Variants in SOX6 observed in about 807,000 individuals in gnomAD.
SOX6 encodes SRY-box transcription factor 6.
In SOX6, 11 loss-of-function variants were observed where a neutral mutation model predicts 97.8. The observed-to-expected ratio is 0.11, with a 90% CI of 0.07 to 0.19. The LOEUF is 0.19. SOX6 is among the 10% of genes least tolerant of loss of function. The pLI is 1.00. For missense variants in SOX6, 810 were observed against 1,039.5 expected, an observed-to-expected ratio of 0.78 and a Z score of 3.04; for synonymous variants, 360 against 371.4, an observed-to-expected ratio of 0.97 and a Z score of 0.35.
intron 1 of SOX6, among the ~76,000 whole-genome samples, chr11:16,438,339 A>G (rs1859427855): frequency 6.6e-6 from 1 of 152,158 alleles, no homozygotes; most frequent in African/African-American, 2.4e-5. Context: ...AACCTAAGTA[A>G]TATTTTAAGA....
chr11:16,102,945 C>G (rs1258132223), intron 7 of SOX6, among the ~76,000 whole-genome samples: 2 of 151,862 alleles, frequency 1.3e-5, no homozygotes, highest in African/African-American at 4.8e-5. Context: ...TTGGAAAAAA[C>G]CCTTCTAGAC....
chr11:16,097,523 C>G (rs1252305534), intron 8 of SOX6, 86 bp downstream of exon 8: 4 of 1,138,154 alleles, frequency 3.5e-6, no homozygotes, highest in Non-Finnish European at 3.9e-6. Flanking sequence ...ATTTAACATT[C>G]AGGCCATTAT....
At chr11:16,490,717 G>T (rs1470031123) in intron 4 of SOX6, among the ~76,000 whole-genome samples, 1 of 151,970 alleles carries the variant, frequency 6.6e-6, no homozygotes, top group African/African-American at 2.4e-5. Flanking sequence ...AGCTAAGCTT[G>T]CCAGAAGTAT....
chr11:16,018,464 A>C (rs756873324), intron 12 of SOX6, among the ~76,000 whole-genome samples: 1 of 149,582 alleles, frequency 6.7e-6, no homozygotes, highest in East Asian at 2.2e-4. Flanking sequence ...AAAAAAATCA[A>C]CTTCCTCTTA....
chr11:16,097,505 A>T (rs1419493175), intron 8 of SOX6, 104 bp downstream of exon 8: 2 of 1,014,698 alleles, frequency 2.0e-6, no homozygotes, highest in Non-Finnish European at 3.0e-6. Context: ...GGCTATGCTT[A>T]AAAAATTATT....
chr11:16,317,878 C>G (rs567899563), intron 3 of SOX6: 62 of 383,470 alleles, frequency 1.6e-4, no homozygotes, highest in African/African-American at 1.3e-3. Context: ...GTACACGAAC[C>G]TGAGTGAACT....
intron 1 of SOX6, among the ~76,000 whole-genome samples, chr11:16,420,935 C>A (rs953226943): frequency 5.3e-5 from 8 of 152,112 alleles, no homozygotes; most frequent in African/African-American, 1.9e-4. Flanking sequence ...CCTCCAAGGC[C>A]TAACATTTAG....
chr11:16,432,460 A>C (rs563744605), intron 1 of SOX6, among the ~76,000 whole-genome samples: 22 of 152,278 alleles, frequency 1.4e-4, no homozygotes, highest in African/African-American at 4.8e-4. Flanking sequence ...TAAGAGTTTT[A>C]AATATAAAAC....
At chr11:16,398,038 C>T (rs1325549125) in intron 1 of SOX6, among the ~76,000 whole-genome samples, 1 of 151,534 alleles carries the variant, frequency 6.6e-6, no homozygotes, top group Non-Finnish European at 1.5e-5. Flanking sequence ...TCATCCCAGG[C>T]TTCATGGCAA....
chr11:16,647,332 T>C (rs1417239982), intron 3 of SOX6, among the ~76,000 whole-genome samples: 1 of 152,232 alleles, frequency 6.6e-6, no homozygotes, highest in African/African-American at 2.4e-5. Context: ...AGTATGTCCA[T>C]TTATTTAATG....
chr11:16,252,639 CA>C (rs1216489336), intron 3 of SOX6: 1 of 152,194 alleles, frequency 6.6e-6, no homozygotes, highest in Non-Finnish European at 1.5e-5. Flanking sequence ...AAATACACCA[CA>C]ACATTCTGTT....
At chr11:16,364,205 AG>A (rs1285190046) in intron 1 of SOX6, among the ~76,000 whole-genome samples, 1 of 152,164 alleles carries the variant, frequency 6.6e-6, no homozygotes, top group East Asian at 1.9e-4. Flanking sequence ...CTGGCCTAAA[AG>A]ATTCCAGCAG....
At position 16,225,854 on chromosome 11, in the gene SOX6, T is replaced by C. The variant is rs7924908; in HGVS notation, c.535+8728A>G. 7.3e-3 allele frequency among the ~76,000 whole-genome samples: 1,106 copies of C among 152,292 alleles called. 16 individuals carry two copies. The highest frequency in any genetic ancestry group is 0.025 in the African/African-American group (1,021 of 41,566). Reference sequence around the variant, plus strand: ...TCAGTGGCACTTAGTAGCAGTGTTGTAATAAATTTGCATTTTAATTCAGTA... The same window carrying C: ...TCAGTGGCACTTAGTAGCAGTGTTGCAATAAATTTGCATTTTAATTCAGTA... On this transcript the variant is annotated intron_variant, in intron 4 of 15. Transcript: ENST00000683767.
At chr11:16,054,140 A>C (rs1439246852) in intron 10 of SOX6, among the ~76,000 whole-genome samples, 1 of 152,182 alleles carries the variant, frequency 6.6e-6, no homozygotes, top group African/African-American at 2.4e-5. Context: ...ACTTGAATTT[A>C]ACCAAGGAAC....
At chr11:16,295,127 T>C (rs1855033907) in intron 3 of SOX6, among the ~76,000 whole-genome samples, 1 of 152,072 alleles carries the variant, frequency 6.6e-6, no homozygotes, top group Non-Finnish European at 1.5e-5. Flanking sequence ...TATAAGGTAA[T>C]CTAAAATGTA....
intron 3 of SOX6, among the ~76,000 whole-genome samples, chr11:16,251,979 G>A (rs928987009): frequency 5.0e-5 from 4 of 80,080 alleles, no homozygotes; most frequent in Non-Finnish European, 1.1e-4. Context: ...GTATCCATTT[G>A]TAATTTTCTT....
intron 3 of SOX6, among the ~76,000 whole-genome samples, chr11:16,684,051 C>A (rs998980032): frequency 6.6e-6 from 1 of 152,152 alleles, no homozygotes; most frequent in African/African-American, 2.4e-5. Flanking sequence ...CATCTCACAC[C>A]AGTTAGAATG....
At chr11:16,248,670 C>T (rs573526879) in intron 3 of SOX6, among the ~76,000 whole-genome samples, 30 of 152,350 alleles carry the variant, frequency 2.0e-4, no homozygotes, top group Middle Eastern at 3.4e-3. Flanking sequence ...CAAAGCTACA[C>T]AGTGCAGGGG....
At chr11:16,223,186 C>T (rs771863032) in intron 4 of SOX6, among the ~76,000 whole-genome samples, 1 of 152,056 alleles carries the variant, frequency 6.6e-6, no homozygotes, top group Admixed American at 6.6e-5. Context: ...ATTAAACCAA[C>T]CAATCATTCA....
Sources: allele counts gnomAD v4.1 joint callset (sites outside exome capture counted in the v4.1 genomes callset), GRCh38; gene constraint gnomAD v4.1.1; transcripts MANE v1.5; gene names NCBI Gene and HGNC (gene_info 2026-07-23, HGNC 2026-07-21).